Variants in CNTN5 observed in about 807,000 individuals in gnomAD.
CNTN5 encodes contactin-5.
A neutral mutation model predicts 129.1 loss-of-function variants in CNTN5; 77 were observed. That is an observed-to-expected ratio of 0.60 (90% CI 0.50 to 0.72). The LOEUF is 0.72. CNTN5 is among the 30% of genes least tolerant of loss of function. CNTN5 has a pLI of 0.00. For synonymous variants in CNTN5, 509 were observed against 465.6 expected (o/e 1.09, Z -1.20); for missense variants, 1,478 against 1,328.8 (o/e 1.11, Z -1.75).
intron 9 of CNTN5, among the ~76,000 whole-genome samples, chr11:100,041,387 T>A (rs926138304): frequency 2.0e-4 from 31 of 152,222 alleles, no homozygotes; most frequent in African/African-American, 7.2e-4. Flanking sequence ...ACTCTCCCCA[T>A]TGTCAACTCC....
chr11:99,342,318 C>T (rs1047024005), intron 2 of CNTN5, among the ~76,000 whole-genome samples: 7 of 151,720 alleles, frequency 4.6e-5, no homozygotes, highest in Non-Finnish European at 1.5e-5. Flanking sequence ...ATATGGGAAA[C>T]CTGAATCAAT....
intron 16 of CNTN5, among the ~76,000 whole-genome samples, chr11:100,237,201 A>AG (rs1460449330): frequency 4.6e-5 from 7 of 151,574 alleles, no homozygotes; most frequent in Non-Finnish European, 8.8e-5. Flanking sequence ...AAAAAAAAAA[A>AG]AAAAAAAGAA....
chr11:100,137,613 T>G lies in CNTN5; in HGVS notation c.1581-53513T>G, dbSNP rs182195913. Among the ~76,000 whole-genome samples, 59 of 152,252 alleles carry G rather than the reference T, an allele frequency of 3.9e-4. 1 individual carries two copies. In the East Asian group the frequency reaches 9.9e-3, roughly 25 times the overall value. ...AAGTTGGTGACTGTGTGTGTATGTGTATCAAGTGTCCTGGAGTAAAAATCA... is the reference window on the plus strand; with the variant it reads ...AAGTTGGTGACTGTGTGTGTATGTGGATCAAGTGTCCTGGAGTAAAAATCA... On this transcript the variant is annotated intron_variant, in intron 13 of 24. Transcript: ENST00000524871.
At chr11:99,305,150 T>C (rs901515476) in intron 1 of CNTN5, among the ~76,000 whole-genome samples, 5 of 152,194 alleles carry the variant, frequency 3.3e-5, no homozygotes, top group Non-Finnish European at 4.4e-5. Flanking sequence ...CAAACTGTGT[T>C]ACCCTCAGAC....
intron 1 of CNTN5, among the ~76,000 whole-genome samples, chr11:99,243,710 A>G (rs1232007592): frequency 3.3e-5 from 5 of 149,744 alleles, no homozygotes; most frequent in South Asian, 2.1e-4. Context: ...TCTTTTATTC[A>G]ATAGGAAGTC....
At chr11:99,803,877 A>C (rs986682962) in intron 3 of CNTN5, among the ~76,000 whole-genome samples, 3 of 152,182 alleles carry the variant, frequency 2.0e-5, no homozygotes, top group Non-Finnish European at 4.4e-5. Context: ...TTCCTTCTTG[A>C]ATTAAAGCTC....
intron 7 of CNTN5, among the ~76,000 whole-genome samples, chr11:99,948,649 T>C (rs1012432212): frequency 9.9e-5 from 15 of 152,224 alleles, no homozygotes; most frequent in African/African-American, 3.1e-4. Context: ...TCTTAAGTTA[T>C]TGGCAACTCT....
intron 4 of CNTN5, 146 bp downstream of exon 4, chr11:99,819,911 T>C: frequency 3.1e-6 from 2 of 643,630 alleles, no homozygotes; most frequent in Non-Finnish European, 5.3e-6. Context: ...GGAGAGTTTT[T>C]AAAGCTGGGG....
At chr11:99,474,735 A>G (rs1021043192) in intron 2 of CNTN5, among the ~76,000 whole-genome samples, 1 of 152,128 alleles carries the variant, frequency 6.6e-6, no homozygotes, top group African/African-American at 2.4e-5. Flanking sequence ...AGCGTTTTCA[A>G]ATAAATCTTA....
intron 8 of CNTN5, among the ~76,000 whole-genome samples, chr11:99,964,020 C>A (rs2136199995): frequency 6.6e-6 from 1 of 152,258 alleles, no homozygotes; most frequent in Middle Eastern, 3.4e-3. Flanking sequence ...TATGCCGAGA[C>A]TTTGCTGAAG....
At chr11:99,523,646 GA>G (rs1268711975) in intron 2 of CNTN5, among the ~76,000 whole-genome samples, 98 of 67,732 alleles carry the variant, frequency 1.4e-3, no homozygotes, top group East Asian at 6.3e-3. Flanking sequence ...GAATAGAATA[GA>G]ATAGAACAGA....
At chr11:100,215,585 T>C (rs1435937838) in intron 15 of CNTN5, among the ~76,000 whole-genome samples, 2 of 152,146 alleles carry the variant, frequency 1.3e-5, no homozygotes, top group Admixed American at 1.3e-4. Context: ...TATCTCACCA[T>C]TGGCTCTAGA....
At chr11:99,423,845 G>A (rs971655830) in intron 2 of CNTN5, among the ~76,000 whole-genome samples, 1 of 147,888 alleles carries the variant, frequency 6.8e-6, no homozygotes, top group Admixed American at 6.7e-5. Context: ...TAGTGATTTC[G>A]ACTAGGGTGG....
intron 8 of CNTN5, among the ~76,000 whole-genome samples, chr11:99,968,656 C>CTCTTTTTTTTTT (rs1951161575): frequency 1.4e-5 from 1 of 73,870 alleles, no homozygotes; most frequent in African/African-American, 4.8e-5. Context: ...GCTTTGGGTA[C>CTCTTTTTTTTTT]TTTTTTTTTT....
At chr11:100,292,673 C>G (rs1330175113) in intron 18 of CNTN5, among the ~76,000 whole-genome samples, 1 of 151,872 alleles carries the variant, frequency 6.6e-6, no homozygotes, top group African/African-American at 2.4e-5. Flanking sequence ...GAGGGAGATG[C>G]CATAGCAAAT....
intron 4 of CNTN5, among the ~76,000 whole-genome samples, chr11:99,832,683 A>G (rs997888061): frequency 2.0e-5 from 3 of 152,208 alleles, no homozygotes; most frequent in Admixed American, 2.0e-4. Flanking sequence ...TCACCTTGTA[A>G]CTATGTCATC....
intron 2 of CNTN5, among the ~76,000 whole-genome samples, chr11:99,495,751 T>A (rs912935549): frequency 6.6e-6 from 1 of 152,116 alleles, no homozygotes; most frequent in Admixed American, 6.5e-5. Context: ...AGTGTTTTAA[T>A]CCAGAAGAGC....
chr11:99,558,057 G>A (rs996604012), intron 3 of CNTN5, among the ~76,000 whole-genome samples: 2 of 151,834 alleles, frequency 1.3e-5, no homozygotes, highest in South Asian at 4.1e-4. Context: ...TCTATAAAAA[G>A]TTGGTAGAGA....
intron 15 of CNTN5, among the ~76,000 whole-genome samples, chr11:100,200,202 G>A (rs957770729): frequency 1.3e-5 from 2 of 151,864 alleles, no homozygotes; most frequent in African/African-American, 4.8e-5. Context: ...GGAAAGTAGT[G>A]CTGTATTGAT....
Sources: allele counts gnomAD v4.1 joint callset (sites outside exome capture counted in the v4.1 genomes callset), GRCh38; gene constraint gnomAD v4.1.1; transcripts MANE v1.5; gene names NCBI Gene and HGNC (gene_info 2026-07-23, HGNC 2026-07-21).